The following AKAP19 variants were observed in gnomAD, a reference collection of about 807,000 sequenced individuals.
The protein encoded by AKAP19 is A-kinase anchoring protein 19, also known as small A-kinase anchoring protein.
the AKAP19 span, among the ~76,000 whole-genome samples, chr2:189,978,291 T>A: frequency 2.0e-5 from 3 of 151,858 alleles, no homozygotes; most frequent in Admixed American, 6.6e-5. Flanking sequence ...TCCATCTTTA[T>A]GTTCCTGTGT....
At chr2:190,159,297 C>CT in the AKAP19 span, among the ~76,000 whole-genome samples, 1 of 152,146 alleles carries the variant, frequency 6.6e-6, no homozygotes, top group Non-Finnish European at 1.5e-5. Flanking sequence ...AGGGCAAAGT[C>CT]CCCCAGGAGG....
At chr2:190,054,330 A>G in the AKAP19 span, among the ~76,000 whole-genome samples, 226 of 152,316 alleles carry the variant, frequency 1.5e-3, no homozygotes, top group African/African-American at 5.3e-3. Flanking sequence ...ACCTTATACA[A>G]AAATTAATTC....
At chr2:190,195,037 A>AT in the AKAP19 span, among the ~76,000 whole-genome samples, 1 of 151,708 alleles carries the variant, frequency 6.6e-6, no homozygotes, top group South Asian at 2.1e-4. Flanking sequence ...TTCATATTTA[A>AT]TTTTTTTGTA....
the AKAP19 span, among the ~76,000 whole-genome samples, chr2:189,901,120 A>G: frequency 6.6e-6 from 1 of 152,118 alleles, no homozygotes; most frequent in South Asian, 2.1e-4. Flanking sequence ...TTCTCTTATT[A>G]GGACTCTACA....
At chr2:190,169,081 T>C in the AKAP19 span, among the ~76,000 whole-genome samples, 1 of 152,202 alleles carries the variant, frequency 6.6e-6, no homozygotes, top group Non-Finnish European at 1.5e-5. Flanking sequence ...GGATGAGGTT[T>C]ATTGGACTTG....
chr2:190,101,166 TGTCTCAGGCCA>T, the AKAP19 span, among the ~76,000 whole-genome samples: 1 of 152,228 alleles, frequency 6.6e-6, no homozygotes, highest in Admixed American at 6.5e-5. Flanking sequence ...CAGACATGTT[TGTCTCAGGCCA>T]GAGACTGAAG....
chr2:189,987,214 G>T, the AKAP19 span, among the ~76,000 whole-genome samples: 1 of 152,170 alleles, frequency 6.6e-6, no homozygotes, highest in Non-Finnish European at 1.5e-5. Flanking sequence ...AGTCTCACAA[G>T]ATCTGATGGG....
the AKAP19 span, among the ~76,000 whole-genome samples, chr2:190,011,071 T>G: frequency 6.8e-6 from 1 of 146,298 alleles, no homozygotes; most frequent in African/African-American, 2.6e-5. Context: ...TTTTTTTTTT[T>G]TTGAGACAGT....
the AKAP19 span, among the ~76,000 whole-genome samples, chr2:190,184,653 G>C: frequency 1.3e-5 from 2 of 152,192 alleles, no homozygotes; most frequent in Non-Finnish European, 2.9e-5. Flanking sequence ...GCAATAAGGA[G>C]ATACGGCTTC....
the AKAP19 span, among the ~76,000 whole-genome samples, chr2:190,173,353 C>A: frequency 6.6e-6 from 1 of 152,236 alleles, no homozygotes; most frequent in South Asian, 2.1e-4. Context: ...CAACATTTGG[C>A]AGTTGGTTTG....
At chr2:190,023,795 G>GTGTATATATATATA in the AKAP19 span, among the ~76,000 whole-genome samples, 3 of 142,834 alleles carry the variant, frequency 2.1e-5, no homozygotes, top group African/African-American at 7.7e-5. Context: ...ATGTGTGTGT[G>GTGTATATATATATA]TATATATATA....
At chr2:189,880,417 G>A in the AKAP19 span, among the ~76,000 whole-genome samples, 10 of 152,226 alleles carry the variant, frequency 6.6e-5, no homozygotes, top group African/African-American at 2.2e-4. Context: ...GGACATACCC[G>A]GGAGACAGGT....
the AKAP19 span, among the ~76,000 whole-genome samples, chr2:190,019,214 A>G: frequency 9.2e-5 from 14 of 152,178 alleles, no homozygotes; most frequent in Non-Finnish European, 1.8e-4. Context: ...ACTCCCAGGT[A>G]GGGAAGGTCT....
At chr2:189,886,339 G>A in the AKAP19 span, among the ~76,000 whole-genome samples, 2 of 152,060 alleles carry the variant, frequency 1.3e-5, no homozygotes, top group Non-Finnish European at 2.9e-5. Context: ...GTCATGTTTT[G>A]TCTAGATATT....
At chr2:190,113,200 C>T in the AKAP19 span, among the ~76,000 whole-genome samples, 9 of 152,008 alleles carry the variant, frequency 5.9e-5, no homozygotes, top group South Asian at 1.9e-3. Flanking sequence ...TTCTCTTGGT[C>T]AGCGTTTTCA....
At chr2:190,198,332 G>A in the AKAP19 span, among the ~76,000 whole-genome samples, 2 of 152,128 alleles carry the variant, frequency 1.3e-5, no homozygotes, top group African/African-American at 2.4e-5. Flanking sequence ...ATGCACGCAA[G>A]CTTTTGCCTT....
At chr2:190,186,344 A>T in the AKAP19 span, among the ~76,000 whole-genome samples, 2 of 152,184 alleles carry the variant, frequency 1.3e-5, no homozygotes, top group Admixed American at 1.3e-4. This position sits in a 1 kb window ranked among gnomAD's most constrained non-coding sequence, Gnocchi z 5.5. Flanking sequence ...AATCTCAAAC[A>T]TTGTCTCATT....
At chr2:190,196,347 G>A in the AKAP19 span, among the ~76,000 whole-genome samples, 4 of 152,108 alleles carry the variant, frequency 2.6e-5, no homozygotes, top group African/African-American at 9.6e-5. Flanking sequence ...TCCACACAAT[G>A]AATTTTTCAT....
chr2:190,164,096 C>T, the AKAP19 span: 10 of 152,188 alleles, frequency 6.6e-5, no homozygotes, highest in African/African-American at 2.4e-4. Flanking sequence ...AACTGTGAGA[C>T]AGAATCGGTT....
Sources: allele counts gnomAD v4.1 joint callset (sites outside exome capture counted in the v4.1 genomes callset), GRCh38; gene constraint gnomAD v4.1.1; non-coding constraint Gnocchi (gnomAD v3.1); transcripts MANE v1.5; gene names NCBI Gene and HGNC (gene_info 2026-07-23, HGNC 2026-07-21).